The following TBC1D13 variants were observed in gnomAD, a reference collection of about 807,000 sequenced individuals.
The protein encoded by TBC1D13 is TBC1 domain family member 13, also known as epididymis secretory sperm binding protein.
A neutral mutation model predicts 53.6 loss-of-function variants in TBC1D13; 40 were observed. The ratio of observed to expected loss-of-function variants is 0.75; its 90% CI spans 0.58 to 0.97. The LOEUF (loss-of-function observed/expected upper bound fraction) is 0.97. Ranked by LOEUF, TBC1D13 falls within the 50% of genes least tolerant of loss-of-function variation. TBC1D13 has a pLI of 0.00. For synonymous variants in TBC1D13, 182 were observed against 197.7 expected (o/e 0.92, Z 0.67); for missense variants, 377 against 499.4 (o/e 0.75, Z 2.34).
At chr9:128,790,561 G>T (rs752071024) in intron 2 of TBC1D13, among the ~76,000 whole-genome samples, 174 bp from the exon 3 acceptor site, 3 of 152,188 alleles carry the variant, frequency 2.0e-5, no homozygotes, top group Admixed American at 6.5e-5. Context: ...GTGTTAGAGG[G>T]AGACTCCATC....
intron 11 of TBC1D13, among the ~76,000 whole-genome samples, chr9:128,807,568 G>A (rs1347746839): frequency 1.3e-5 from 2 of 152,214 alleles, no homozygotes; most frequent in South Asian, 2.1e-4. Context: ...GCACGGTCTG[G>A]TCCTGAGGAA....
Position 128,788,383 on chromosome 9 carries a change from A to C in TBC1D13, c.73A>C (p.Lys25Gln). The C allele has an allele frequency of 6.2e-7, 1 of 1,614,138 alleles. No homozygotes were observed. Among genetic ancestry groups the C allele is most frequent in the South Asian group, 1.1e-5 (1 of 91,080 alleles). The change falls in exon 2 of 12, where the codon AAG (lysine) becomes CAG (glutamine). Residue 25 changes from lysine to glutamine, a missense_variant. By Grantham distance (53) the Lys-to-Gln change is moderately conservative (BLOSUM62 1). Transcript: ENST00000372648. ...GAAGGAGCCCTCAATTGCATTGGAA[A>C]AGCTGCGGGAACTCAGCTTTAGTGG... ...VLKEPSIALE[K>Q]LRELSFSGIP...
Position 128,807,920 on chromosome 9 carries a change from G to C in TBC1D13, c.*41G>C. Reference sequence around the variant, plus strand: ...CCCATGTTCCGGAGAGAAGCCTCCCGACCCTGTGCCCTGGCTCCCGGGACA... The same window carrying C: ...CCCATGTTCCGGAGAGAAGCCTCCCCACCCTGTGCCCTGGCTCCCGGGACA... On this transcript the variant is annotated 3_prime_UTR_variant, in exon 12 of 12. Coordinates refer to ENST00000372648, the MANE Select transcript of TBC1D13 (RefSeq NM_018201.5). 1 of 1,594,844 alleles carries C rather than the reference G, an allele frequency of 6.3e-7. No individual in the cohort carries two copies. The highest frequency in any genetic ancestry group is 8.6e-7 in the Non-Finnish European group (1 of 1,162,670).
chr9:128,791,554 A>G (rs1033862918), intron 4 of TBC1D13, 40 bp from the exon 5 acceptor site: 1 of 1,612,132 alleles, frequency 6.2e-7, no homozygotes, highest in Non-Finnish European at 8.5e-7. Context: ...CTCCCTGGGC[A>G]GGACCGTTGG....
intron 7 of TBC1D13, among the ~76,000 whole-genome samples, chr9:128,800,877 G>A (rs1395319891): frequency 6.6e-6 from 1 of 152,028 alleles, no homozygotes; most frequent in Non-Finnish European, 1.5e-5. Flanking sequence ...TAAGGGCATT[G>A]TCAGCCAAGT....
intron 7 of TBC1D13, among the ~76,000 whole-genome samples, chr9:128,800,366 A>C (rs993946410): frequency 1.6e-4 from 16 of 97,628 alleles, no homozygotes; most frequent in African/African-American, 9.8e-4. Flanking sequence ...TTATCTTCCA[A>C]CTTTTTTTTT....
intron 9 of TBC1D13, 73 bp from the exon 10 acceptor site, chr9:128,805,786 C>T: frequency 2.0e-6 from 3 of 1,513,010 alleles, no homozygotes; most frequent in Admixed American, 3.7e-5. Flanking sequence ...TCACTTCTGA[C>T]CCACTGCGTG....
In TBC1D13 at chr9:128,791,673, G is replaced by A. The variant is rs560645554; in HGVS notation, c.280G>A (p.Asp94Asn). 3 of 1,614,176 alleles carry A rather than the reference G, an allele frequency of 1.9e-6. No individual in the cohort carries two copies. The highest frequency in any genetic ancestry group is 2.2e-5 in the East Asian group (1 of 44,882). Reference protein sequence around the residue: ...AKANMGVSREDVTFEDHPLNP... With the variant: ...AKANMGVSRENVTFEDHPLNP... Reference sequence around the variant, plus strand: ...GGCCAACATGGGTGTGTCCAGGGAGGATGTGACTTTTGAGGACCATGTGAG... The same window carrying A: ...GGCCAACATGGGTGTGTCCAGGGAGAATGTGACTTTTGAGGACCATGTGAG... Residue 94 changes from aspartate (D) to asparagine (N), a missense_variant, in exon 5 of 12, where the codon GAT becomes AAT. Asp to Asn is a conservative substitution (Grantham distance 23). Coordinates refer to ENST00000372648, the MANE Select transcript of TBC1D13 (RefSeq NM_018201.5).
At chr9:128,789,001 C>A (rs994961616) in intron 2 of TBC1D13, among the ~76,000 whole-genome samples, 3 of 152,178 alleles carry the variant, frequency 2.0e-5, no homozygotes, top group African/African-American at 7.2e-5. Context: ...AGCTTCTTGT[C>A]ACTTTTTTGC....
intron 5 of TBC1D13, among the ~76,000 whole-genome samples, chr9:128,792,085 C>T (rs1172457892): frequency 6.6e-6 from 1 of 152,214 alleles, no homozygotes; most frequent in Admixed American, 6.5e-5. Context: ...TCGATGGGCC[C>T]CAGGCCCAGA....
chr9:128,804,410 T>C (rs1829790190), intron 9 of TBC1D13, among the ~76,000 whole-genome samples: 1 of 147,826 alleles, frequency 6.8e-6, no homozygotes, highest in Admixed American at 6.8e-5. Context: ...TTAACTTCAT[T>C]TTTTTTTTTT....
rs1215468828 is a variant in TBC1D13 at position 128,806,133 on chromosome 9, G to C, written c.1079+114G>C. The C allele has an allele frequency of 3.8e-6, 6 of 1,585,836 alleles. No homozygotes were observed. The African/African-American group carries it at 8.1e-5, about 21-fold the overall frequency. On this transcript the variant is annotated intron_variant, in intron 10 of 11. Coordinates refer to ENST00000372648, the MANE Select transcript of TBC1D13 (RefSeq NM_018201.5). ...GGGCTGCTCTTTCATGGCTGGAGTG[G>C]GATTCTGGAGTCCTTGGGAGGGCGA...
intron 11 of TBC1D13, among the ~76,000 whole-genome samples, chr9:128,807,496 A>G (rs1589578565): frequency 6.6e-6 from 1 of 152,250 alleles, no homozygotes; most frequent in Non-Finnish European, 1.5e-5. Flanking sequence ...ACACTGGCCC[A>G]GTCCTACTGG....
intron 9 of TBC1D13, among the ~76,000 whole-genome samples, chr9:128,804,737 T>TG (rs1218769207): frequency 4.4e-5 from 6 of 137,706 alleles, no homozygotes; most frequent in African/African-American, 1.1e-4. Context: ...TTTTTTTTTT[T>TG]TTTTTTTTGA....
chr9:128,807,615 C>T (rs1829861196), intron 11 of TBC1D13, among the ~76,000 whole-genome samples, 199 bp from the exon 12 acceptor site: 1 of 152,142 alleles, frequency 6.6e-6, no homozygotes, highest in Non-Finnish European at 1.5e-5. Flanking sequence ...GTGTTTGGAT[C>T]GTTGAGTTGG....
At chr9:128,806,413 A>G (rs1589577677) in intron 11 of TBC1D13, 102 bp downstream of exon 11, 1 of 1,377,338 alleles carries the variant, frequency 7.3e-7, no homozygotes, top group Non-Finnish European at 1.0e-6. Flanking sequence ...GGGGCAGCGG[A>G]GTGTAGTAGG....
chr9:128,808,407 C>CTGTGTGTGTG lies in TBC1D13; in HGVS notation c.*528_*529insTGTGTGTGTG, dbSNP rs1564428269. ...GGGCCCAAGTCCCCAGGCATCTTCT[C>CTGTGTGTGTG]CGTGTGTGTGTGTGTGTGTGTGTGT... On this transcript the variant is annotated 3_prime_UTR_variant, in exon 12 of 12. Transcript: ENST00000372648. 3 of 96,422 alleles carry CTGTGTGTGTG rather than the reference C, an allele frequency of 3.1e-5. No homozygotes were observed. The highest frequency in any genetic ancestry group is 2.8e-4 in the East Asian group (1 of 3,542). 6.0% of individuals were successfully genotyped at this position (96,422 alleles called of 1,614,324 possible).
chr9:128,796,912 G>A, intron 6 of TBC1D13, 143 bp from the exon 7 acceptor site: 1 of 850,550 alleles, frequency 1.2e-6, no homozygotes, highest in South Asian at 1.6e-5. Flanking sequence ...CTTCAGCCTG[G>A]GCGACAGTGC....
At chr9:128,802,041 G>A (rs1364745913) in intron 7 of TBC1D13, among the ~76,000 whole-genome samples, 4 of 146,178 alleles carry the variant, frequency 2.7e-5, no homozygotes, top group African/African-American at 9.9e-5. Flanking sequence ...GATTACAGGC[G>A]TGAGCCACCG....
Sources: allele counts gnomAD v4.1 joint callset (sites outside exome capture counted in the v4.1 genomes callset), GRCh38; gene constraint gnomAD v4.1.1; transcripts MANE v1.5; gene names NCBI Gene and HGNC (gene_info 2026-07-23, HGNC 2026-07-21).